The following SLC4A10 variants were observed in gnomAD, a reference collection of about 807,000 sequenced individuals.
The protein encoded by SLC4A10 is solute carrier family 4 member 10.
Under a neutral mutation model 137.7 loss-of-function variants are expected in SLC4A10, and 42 were observed. The ratio of observed to expected loss-of-function variants is 0.30; its 90% CI spans 0.24 to 0.39. The LOEUF (loss-of-function observed/expected upper bound fraction) is 0.39. Among genes scored for constraint, SLC4A10 ranks in the 10% least tolerant of loss-of-function variants. The pLI is 1.00. For missense variants in SLC4A10, 925 were observed against 1,355.0 expected, an observed-to-expected ratio of 0.68 and a Z score of 4.98; for synonymous variants, 474 against 464.1, an observed-to-expected ratio of 1.02 and a Z score of -0.27.
At chr2:161,978,631 G>C (rs1428797389) in intron 26 of SLC4A10, among the ~76,000 whole-genome samples, 2 of 152,038 alleles carry the variant, frequency 1.3e-5, no homozygotes, top group African/African-American at 4.8e-5. Context: ...ATACCAAACA[G>C]TATAAACAAG....
Position 161,983,567 on chromosome 2 carries a change from C to T in SLC4A10, c.*415C>T. 1 of 209,464 alleles carries T rather than the reference C, an allele frequency of 4.8e-6. No homozygotes were observed. The highest frequency in any genetic ancestry group is 2.3e-5 in the African/African-American group (1 of 43,850). 13.0% of individuals were successfully genotyped at this position (209,464 alleles called of 1,614,324 possible). A position where few individuals can be genotyped will look rare whatever the true frequency, so the allele number is the denominator to read the frequency against. ...TCATATTTACCTAGTTTGTATTTTC[C>T]TACTTTAGTGACCTGAAGATGCCTG... On this transcript the variant is annotated 3_prime_UTR_variant, in exon 27 of 27. Coordinates refer to ENST00000446997, the MANE Select transcript of SLC4A10 (RefSeq NM_001178015.2).
chr2:161,631,501 A>G (rs1384080753), intron 1 of SLC4A10, among the ~76,000 whole-genome samples: 1 of 151,628 alleles, frequency 6.6e-6, no homozygotes, highest in African/African-American at 2.4e-5. Context: ...CTGTTTGTCA[A>G]GATAATGCTG....
chr2:161,923,068 C>T (rs1688431691), intron 15 of SLC4A10, among the ~76,000 whole-genome samples: 1 of 152,162 alleles, frequency 6.6e-6, no homozygotes, highest in Non-Finnish European at 1.5e-5. Context: ...AAGACAGCCG[C>T]AGGCTCTTCT....
chr2:161,847,234 C>T (rs1043035256), intron 4 of SLC4A10, among the ~76,000 whole-genome samples: 4 of 151,684 alleles, frequency 2.6e-5, no homozygotes, highest in Admixed American at 6.6e-5. Context: ...CAGAGTGAGA[C>T]TATGTCTCAA....
intron 3 of SLC4A10, among the ~76,000 whole-genome samples, chr2:161,820,662 C>G (rs958280486): frequency 5.9e-5 from 9 of 152,160 alleles, no homozygotes; most frequent in African/African-American, 1.9e-4. Context: ...TAATGTGCTT[C>G]TATATGCACG....
At chr2:161,871,139 G>A (rs1216959529) in intron 6 of SLC4A10, among the ~76,000 whole-genome samples, 1 of 151,756 alleles carries the variant, frequency 6.6e-6, no homozygotes, top group Non-Finnish European at 1.5e-5. Context: ...AGAATTTAAG[G>A]GAAAGCGTTT....
At chr2:161,789,047 T>C (rs529275145) in intron 2 of SLC4A10, among the ~76,000 whole-genome samples, 1 of 152,284 alleles carries the variant, frequency 6.6e-6, no homozygotes, top group African/African-American at 2.4e-5. Flanking sequence ...TCTTGTAGTG[T>C]GGCAACACAA....
At chr2:161,879,359 A>G (rs1169142169) in intron 9 of SLC4A10, 71 bp downstream of exon 9, 6 of 1,428,620 alleles carry the variant, frequency 4.2e-6, no homozygotes, top group African/African-American at 2.9e-5. Context: ...TGAGGATTCA[A>G]TGTAATTTTC....
intron 1 of SLC4A10, among the ~76,000 whole-genome samples, chr2:161,635,934 G>C (rs1233682356): frequency 6.6e-6 from 1 of 152,080 alleles, no homozygotes; most frequent in Non-Finnish European, 1.5e-5. Context: ...GTGAACTGCT[G>C]ATTTATTTTG....
At chr2:161,919,296 C>T (rs974777227) in intron 15 of SLC4A10, among the ~76,000 whole-genome samples, 2 of 152,176 alleles carry the variant, frequency 1.3e-5, no homozygotes, top group African/African-American at 4.8e-5. Context: ...GGCAGACAGG[C>T]TCCTGGGCAC....
intron 1 of SLC4A10, among the ~76,000 whole-genome samples, chr2:161,751,574 G>A (rs946020108): frequency 6.6e-6 from 1 of 151,606 alleles, no homozygotes; most frequent in Non-Finnish European, 1.5e-5. Context: ...AATTCTCAGA[G>A]GGAATTGATC....
At chr2:161,737,707 A>G (rs1364570527) in intron 1 of SLC4A10, among the ~76,000 whole-genome samples, 4 of 152,116 alleles carry the variant, frequency 2.6e-5, no homozygotes, top group Admixed American at 2.0e-4. Flanking sequence ...TTCAATTTCT[A>G]TAAGCATTTG....
At chr2:161,936,278 T>C (rs988787547) in intron 15 of SLC4A10, among the ~76,000 whole-genome samples, 2 of 152,156 alleles carry the variant, frequency 1.3e-5, no homozygotes, top group Non-Finnish European at 2.9e-5. Flanking sequence ...TTTGGTATCA[T>C]TGTAATGCTT....
intron 1 of SLC4A10, among the ~76,000 whole-genome samples, chr2:161,645,652 G>T (rs2035931262): frequency 6.6e-6 from 1 of 152,088 alleles, no homozygotes; most frequent in Non-Finnish European, 1.5e-5. Context: ...GAAACACATT[G>T]TATTGTGTGG....
At chr2:161,917,196 A>ATTTTGTTG (rs1687275170) in intron 15 of SLC4A10, among the ~76,000 whole-genome samples, 4 of 152,162 alleles carry the variant, frequency 2.6e-5, no homozygotes, top group Admixed American at 2.6e-4. Context: ...TGCATGTATC[A>ATTTTGTTG]ATTTATTCCT....
At chr2:161,870,192 A>T (rs1395460265) in intron 6 of SLC4A10, among the ~76,000 whole-genome samples, 1 of 151,332 alleles carries the variant, frequency 6.6e-6, no homozygotes, top group East Asian at 1.9e-4. Context: ...TTACAAGGAG[A>T]AATACAAGTA....
chr2:161,912,613 G>A (rs1686122358), intron 15 of SLC4A10, among the ~76,000 whole-genome samples: 1 of 151,980 alleles, frequency 6.6e-6, no homozygotes, highest in Admixed American at 6.6e-5. Context: ...CTCTAGGAGT[G>A]GTCAGCTAGC....
At chr2:161,912,566 A>T (rs1686106367) in intron 15 of SLC4A10, among the ~76,000 whole-genome samples, 1 of 152,128 alleles carries the variant, frequency 6.6e-6, no homozygotes, top group Admixed American at 6.5e-5. Context: ...GTCAAGTTAC[A>T]ACCATGGGCA....
At chr2:161,829,803 C>T (rs2125731510) in intron 3 of SLC4A10, among the ~76,000 whole-genome samples, 1 of 152,084 alleles carries the variant, frequency 6.6e-6, no homozygotes, top group Admixed American at 6.5e-5. Context: ...GCTGAGGAGG[C>T]CTCACAATCA....
Sources: gnomAD v4.1 joint callset for allele counts (sites outside exome capture counted in the v4.1 genomes callset) on GRCh38, gnomAD v4.1.1 for gene constraint, MANE v1.5 for transcripts, NCBI Gene and HGNC (gene_info 2026-07-23, HGNC 2026-07-21) for gene names.